The following ESRRG variants were observed in gnomAD, a reference collection of about 807,000 sequenced individuals.
The protein encoded by ESRRG is estrogen-related receptor gamma.
In ESRRG, 13 loss-of-function variants were observed where a neutral mutation model predicts 44.0. The observed-to-expected ratio is 0.30, with a 90% confidence interval of 0.19 to 0.47. The LOEUF (loss-of-function observed/expected upper bound fraction) is 0.47. Ranked by LOEUF, ESRRG falls within the 20% of genes least tolerant of loss-of-function variation. The pLI is 1.00. For synonymous variants in ESRRG, 215 were observed against 214.6 expected, an observed-to-expected ratio of 1.00 and a Z score of -0.02; for missense variants, 395 against 580.6, an observed-to-expected ratio of 0.68 and a Z score of 3.29.
At chr1:216,533,903 A>G (rs2050137025) in intron 5 of ESRRG, among the ~76,000 whole-genome samples, 1 of 152,110 alleles carries the variant, frequency 6.6e-6, no homozygotes, top group South Asian at 2.1e-4. Context: ...GTAATTATGA[A>G]ATTTTACAGC....
At chr1:216,955,818 A>G (rs1181334111) in intron 1 of ESRRG, among the ~76,000 whole-genome samples, 1 of 152,088 alleles carries the variant, frequency 6.6e-6, no homozygotes, top group Non-Finnish European at 1.5e-5. Flanking sequence ...ACATTTTTTC[A>G]AATACTTATT....
At chr1:217,053,754 G>A (rs2086570714) in intron 1 of ESRRG, among the ~76,000 whole-genome samples, 2 of 152,044 alleles carry the variant, frequency 1.3e-5, no homozygotes, top group African/African-American at 4.8e-5. Flanking sequence ...GAGTCCCTTT[G>A]TGTTCTTTTG....
intron 2 of ESRRG, among the ~76,000 whole-genome samples, chr1:216,925,584 G>C (rs1049375105): frequency 1.3e-5 from 2 of 152,122 alleles, no homozygotes; most frequent in African/African-American, 2.4e-5. Flanking sequence ...TCTGTTTTTG[G>C]GGGGACAGGG....
intron 5 of ESRRG, among the ~76,000 whole-genome samples, chr1:216,559,024 C>T (rs1376731802): frequency 1.3e-5 from 2 of 148,992 alleles, no homozygotes; most frequent in African/African-American, 2.4e-5. Flanking sequence ...CACACACCAC[C>T]ACATCCAGAT....
rs566071419 is a variant in ESRRG, at chr1:216,698,202, G to A, written c.57-20711C>T. Among the ~76,000 whole-genome samples, 8 of 152,254 alleles carry A rather than the reference G, an allele frequency of 5.3e-5. No individual in the cohort carries two copies. In the South Asian group the frequency reaches 1.7e-3, roughly 32 times the overall value. ...AACACTTGGCCAATGTTACATATTA[G>A]CTAACTAGTTAGATGTATAAGATTG... On this transcript the variant is annotated intron_variant, in intron 1 of 6. Transcript: ENST00000408911.
upstream of ESRRG, among the ~76,000 whole-genome samples, chr1:217,090,818 T>C (rs2092331554): frequency 6.6e-6 from 1 of 152,208 alleles, no homozygotes; most frequent in Admixed American, 6.5e-5. Flanking sequence ...AACTTTTTTT[T>C]AATACAAAGA....
intron 2 of ESRRG, among the ~76,000 whole-genome samples, chr1:216,817,776 T>G (rs1161875485): frequency 6.6e-6 from 1 of 152,224 alleles, no homozygotes; most frequent in African/African-American, 2.4e-5. Context: ...CACTATCAAG[T>G]GCTTGATACA....
chr1:216,896,107 C>A (rs2058384371), intron 2 of ESRRG, among the ~76,000 whole-genome samples: 2 of 152,130 alleles, frequency 1.3e-5, no homozygotes, highest in Non-Finnish European at 2.9e-5. Flanking sequence ...TACACAAATT[C>A]TCTCCCAAAT....
intron 1 of ESRRG, among the ~76,000 whole-genome samples, chr1:216,977,621 A>G (rs73099427): frequency 0.043 from 6,477 of 151,864 alleles, 429 homozygotes; most frequent in African/African-American, 0.14. Flanking sequence ...AAGTGTCCTG[A>G]CTCCCTACTC....
chr1:216,532,009 G>T (rs1013676026), intron 5 of ESRRG, among the ~76,000 whole-genome samples: 6 of 151,992 alleles, frequency 3.9e-5, no homozygotes, highest in Non-Finnish European at 8.8e-5. Flanking sequence ...AAATACAAGG[G>T]TTACCATATT....
intron 1 of ESRRG, among the ~76,000 whole-genome samples, chr1:217,039,856 C>T (rs1163742046): frequency 1.3e-5 from 2 of 150,944 alleles, no homozygotes; most frequent in South Asian, 2.1e-4. Flanking sequence ...TTTTTTCCAC[C>T]CCATCCCAGT....
intron 1 of ESRRG, among the ~76,000 whole-genome samples, chr1:217,075,597 C>A (rs1051373570): frequency 6.7e-6 from 1 of 149,126 alleles, no homozygotes; most frequent in Non-Finnish European, 1.5e-5. Flanking sequence ...TTTCCCCCCC[C>A]CAACATTAAT....
At chr1:216,902,495 A>G (rs1449600271) in intron 2 of ESRRG, among the ~76,000 whole-genome samples, 1 of 152,132 alleles carries the variant, frequency 6.6e-6, no homozygotes, top group African/African-American at 2.4e-5. Context: ...AAGAAAAAAA[A>G]AAAAGGAAAA....
intron 2 of ESRRG, among the ~76,000 whole-genome samples, chr1:216,795,208 C>G (rs890916815): frequency 7.2e-5 from 11 of 151,936 alleles, no homozygotes; most frequent in Non-Finnish European, 1.5e-4. Context: ...CTTAAACTAA[C>G]CGGGCTCACT....
At chr1:216,714,609 T>C (rs1226785148) in intron 1 of ESRRG, 2 of 955,920 alleles carry the variant, frequency 2.1e-6, no homozygotes, top group Admixed American at 6.2e-5. Flanking sequence ...CCCTCATAAA[T>C]GCTCTAGACA....
At chr1:216,904,518 A>AT (rs543592818) in intron 2 of ESRRG, among the ~76,000 whole-genome samples, 2 of 152,064 alleles carry the variant, frequency 1.3e-5, no homozygotes, top group Non-Finnish European at 2.9e-5. Context: ...CAAAGATACT[A>AT]TTTTTCCCCC....
intron 5 of ESRRG, among the ~76,000 whole-genome samples, chr1:216,528,395 T>A (rs2048319952): frequency 6.6e-6 from 1 of 152,208 alleles, no homozygotes; most frequent in Admixed American, 6.5e-5. Context: ...CTCTTATATT[T>A]ATAAGTAACC....
chr1:216,865,845 A>T (rs2096147482), intron 2 of ESRRG, among the ~76,000 whole-genome samples: 1 of 152,208 alleles, frequency 6.6e-6, no homozygotes, highest in African/African-American at 2.4e-5. Context: ...TATATTGGAT[A>T]ATATTAGCAT....
intron 2 of ESRRG, among the ~76,000 whole-genome samples, chr1:216,779,369 TA>T (rs1206742037): frequency 1.1e-3 from 85 of 75,474 alleles, no homozygotes; most frequent in African/African-American, 4.1e-3. Flanking sequence ...TATTTATTTA[TA>T]AAAATATGTA....
Sources: gnomAD v4.1 joint callset for allele counts (sites outside exome capture counted in the v4.1 genomes callset) on GRCh38, gnomAD v4.1.1 for gene constraint, MANE v1.5 for transcripts, NCBI Gene and HGNC (gene_info 2026-07-23, HGNC 2026-07-21) for gene names.